Variants in UTRN observed in about 807,000 individuals in gnomAD.
UTRN encodes the protein dystrophin-related protein 1.
UTRN carries 283 observed loss-of-function variants against 463.9 expected under a neutral mutation model. That is an observed-to-expected ratio of 0.61 (90% CI 0.55 to 0.67). The LOEUF (loss-of-function observed/expected upper bound fraction) is 0.67, where lower values mean the gene tolerates loss of function less well. UTRN is among the 30% of genes least tolerant of loss of function. UTRN has a pLI of 0.00. For missense variants in UTRN, 3,922 were observed against 4,084.3 expected, an observed-to-expected ratio of 0.96 and a Z score of 1.08; for synonymous variants, 1,442 against 1,431.5, an observed-to-expected ratio of 1.01 and a Z score of -0.17.
At chr6:144,840,710 C>G in intron 72 of UTRN, 30 bp from the exon 73 acceptor site, 1 of 1,611,348 alleles carries the variant, frequency 6.2e-7, no homozygotes, top group Non-Finnish European at 8.5e-7. Flanking sequence ...ATTTGAGAAG[C>G]TTTGTTGTTC....
intron 60 of UTRN, among the ~76,000 whole-genome samples, chr6:144,780,836 T>G (rs917601558): frequency 1.3e-5 from 2 of 152,156 alleles, no homozygotes; most frequent in Admixed American, 6.5e-5. Context: ...TGGGCTTGAG[T>G]GAATTCTTGC....
chr6:144,717,185 G>T lies in UTRN; in HGVS notation c.7810-13172G>T, dbSNP rs563828557. 1.5e-3 allele frequency among the ~76,000 whole-genome samples: 233 copies of T among 152,264 alleles called. 3 individuals carry two copies. The highest frequency in any genetic ancestry group is 2.5e-3 in the Non-Finnish European group (171 of 68,010). On this transcript the variant is annotated intron_variant, in intron 53 of 74. Coordinates refer to ENST00000367545, the MANE Select transcript of UTRN (RefSeq NM_007124.3). ...TTTTGTTCTATTATTAGTGATCCTT[G>T]TATTGTTAGCAGTAAAATACTAGTA...
chr6:144,590,661 A>G (rs1030033077), intron 51 of UTRN, among the ~76,000 whole-genome samples: 4 of 152,196 alleles, frequency 2.6e-5, no homozygotes, highest in Non-Finnish European at 2.9e-5. Flanking sequence ...ACAAGGAAGT[A>G]CAAATATGTT....
At chr6:144,379,635 T>C (rs1780741039) in intron 2 of UTRN, among the ~76,000 whole-genome samples, 1 of 152,192 alleles carries the variant, frequency 6.6e-6, no homozygotes. Flanking sequence ...CCATATTCTA[T>C]TCAGTAGAAG....
intron 2 of UTRN, among the ~76,000 whole-genome samples, chr6:144,314,510 T>C (rs1421057216): frequency 6.6e-6 from 1 of 152,230 alleles, no homozygotes; most frequent in Non-Finnish European, 1.5e-5. Context: ...ACCTCCTTCA[T>C]GGTAAAACTC....
intron 28 of UTRN, among the ~76,000 whole-genome samples, chr6:144,486,116 G>A (rs1194678910): frequency 6.6e-6 from 1 of 152,184 alleles, no homozygotes; most frequent in African/African-American, 2.4e-5. Flanking sequence ...AAAGAGGGTA[G>A]GTTTGCTTAA....
chr6:144,456,337 A>G (rs1205078863), intron 19 of UTRN, among the ~76,000 whole-genome samples: 1 of 152,134 alleles, frequency 6.6e-6, no homozygotes, highest in Non-Finnish European at 1.5e-5. Context: ...TATCTCATAG[A>G]GCATAGAAAC....
intron 35 of UTRN, 83 bp downstream of exon 35, chr6:144,511,206 T>G (rs185665688): frequency 4.6e-6 from 6 of 1,308,858 alleles, no homozygotes; most frequent in Admixed American, 3.0e-5. Context: ...TGATTAAATT[T>G]CAAATCCTGT....
rs1004868752 is a variant in UTRN at position 144,557,325 on chromosome 6, C to T, written c.7289+14C>T. On this transcript the variant is annotated intron_variant, in intron 50 of 74. Transcript: ENST00000367545. ...TCTCAAACAAAGGTAAGTCTAAGGC[C>T]CTGGCAGGTAAATGTATATTGTCAA... 5 of 1,600,930 alleles carry T rather than the reference C, an allele frequency of 3.1e-6. No individual in the cohort carries two copies. Among genetic ancestry groups the T allele is most frequent in the Non-Finnish European group, 4.3e-6 (5 of 1,172,762 alleles).
chr6:144,337,130 C>T (rs1584333063), intron 2 of UTRN, among the ~76,000 whole-genome samples: 1 of 151,726 alleles, frequency 6.6e-6, no homozygotes, highest in South Asian at 2.1e-4. Context: ...CAGACACACA[C>T]ACACAGACTC....
Position 144,850,995 on chromosome 6 carries a change from T to TGAA in UTRN, c.10302_*2dup. Reference sequence around the variant, plus strand: ...CTATTTTCCCTTCCCATAGGCAATGTGAAGTATTCATCCGGCCAACCAATG... The same window carrying TGAA: ...CTATTTTCCCTTCCCATAGGCAATGTGAAGAAGTATTCATCCGGCCAACCAATG... On this transcript the variant is annotated inframe_insertion and stop_retained_variant, in exon 75 of 75. Coordinates refer to ENST00000367545, the MANE Select transcript of UTRN (RefSeq NM_007124.3). The TGAA allele has an allele frequency of 1.2e-6, 2 of 1,613,686 alleles. No homozygotes were observed. Among genetic ancestry groups the TGAA allele is most frequent in the South Asian group, 2.2e-5 (2 of 91,072 alleles).
At chr6:144,342,526 C>T (rs1357561008) in intron 2 of UTRN, among the ~76,000 whole-genome samples, 1 of 152,048 alleles carries the variant, frequency 6.6e-6, no homozygotes, top group Non-Finnish European at 1.5e-5. Context: ...TCTATCAATA[C>T]AATGGAATAT....
At chr6:144,304,293 G>A (rs1045957973) in intron 2 of UTRN, among the ~76,000 whole-genome samples, 3 of 152,044 alleles carry the variant, frequency 2.0e-5, no homozygotes, top group Non-Finnish European at 2.9e-5. Context: ...GTTGTCTCTT[G>A]GTGGTACCCA....
At chr6:144,322,303 A>C (rs9484867) in intron 2 of UTRN, among the ~76,000 whole-genome samples, 1 of 151,960 alleles carries the variant, frequency 6.6e-6, no homozygotes, top group Non-Finnish European at 1.5e-5. Flanking sequence ...TTGTGTAGCA[A>C]GTGATCTTGG....
At chr6:144,322,875 G>A (rs1775750649) in intron 2 of UTRN, among the ~76,000 whole-genome samples, 1 of 151,742 alleles carries the variant, frequency 6.6e-6, no homozygotes, top group South Asian at 2.1e-4. Flanking sequence ...CCTGGGAGGC[G>A]GAGCTTGCAG....
intron 50 of UTRN, among the ~76,000 whole-genome samples, chr6:144,573,175 TG>T (rs1198657137): frequency 1.3e-5 from 2 of 152,296 alleles, no homozygotes; most frequent in East Asian, 1.9e-4. Flanking sequence ...CTTTGAGAAA[TG>T]TCTGTTGATA....
At chr6:144,735,812 A>T in intron 54 of UTRN, among the ~76,000 whole-genome samples, 1 of 152,154 alleles carries the variant, frequency 6.6e-6, no homozygotes, top group East Asian at 1.9e-4. Context: ...TTTAAAAAAA[A>T]GTTTCATGAA....
At chr6:144,517,527 C>T (rs954908271) in intron 39 of UTRN, among the ~76,000 whole-genome samples, 2 of 152,060 alleles carry the variant, frequency 1.3e-5, no homozygotes, top group Admixed American at 1.3e-4. Context: ...GGCAATCTTT[C>T]TAGCTGCATT....
chr6:144,503,309 C>G (rs1794384782), intron 34 of UTRN, among the ~76,000 whole-genome samples: 1 of 152,128 alleles, frequency 6.6e-6, no homozygotes, highest in South Asian at 2.1e-4. Context: ...GTGTTTTAAT[C>G]ATGAAGTCTT....
Sources: gnomAD v4.1 joint callset for allele counts (sites outside exome capture counted in the v4.1 genomes callset) on GRCh38, gnomAD v4.1.1 for gene constraint, MANE v1.5 for transcripts, NCBI Gene and HGNC (gene_info 2026-07-23, HGNC 2026-07-21) for gene names.